CUX2: variants seen among roughly 807,000 people sequenced by gnomAD.
CUX2 encodes the protein cut like homeobox 2.
In CUX2, 40 loss-of-function variants were observed where a neutral mutation model predicts 144.8. The observed-to-expected ratio is 0.28, with a 90% CI of 0.21 to 0.36. The LOEUF is 0.36. Ranked by LOEUF, CUX2 falls within the 10% of genes least tolerant of loss-of-function variation. The pLI, the probability that CUX2 is intolerant of heterozygous loss-of-function variation, is 1.00. For synonymous variants in CUX2, 827 were observed against 875.6 expected, an observed-to-expected ratio of 0.94 and a Z score of 0.98; for missense variants, 1,615 against 1,994.0, an observed-to-expected ratio of 0.81 and a Z score of 3.62.
chr12:111,289,732 C>T lies in CUX2; in HGVS notation c.302-1686C>T, dbSNP rs965870387. On this transcript the variant is annotated intron_variant, in intron 4 of 21. Transcript: ENST00000261726. The surrounding 1 kb of genome is among the most constrained non-coding windows in gnomAD (Gnocchi z 4.1). ...CTTACATCTAGATGTGTGTTTTGCCCCCGAAAAAGTCCTTAACCAACAACG... is the reference window on the plus strand; with the variant it reads ...CTTACATCTAGATGTGTGTTTTGCCTCCGAAAAAGTCCTTAACCAACAACG... Among the ~76,000 whole-genome samples, 1 of 151,848 alleles carries T rather than the reference C, an allele frequency of 6.6e-6. No individual in the cohort carries two copies. Among genetic ancestry groups the T allele is most frequent in the Admixed American group, 6.6e-5 (1 of 15,244 alleles).
chr12:111,281,458 A>T (rs961001529), intron 4 of CUX2, among the ~76,000 whole-genome samples: 1 of 152,156 alleles, frequency 6.6e-6, no homozygotes, highest in African/African-American at 2.4e-5. Flanking sequence ...TGATGGAAAC[A>T]TTCTCTATGG....
intron 5 of CUX2, 26 bp downstream of exon 5, chr12:111,291,578 T>A: frequency 6.4e-7 from 1 of 1,556,662 alleles, no homozygotes. Context: ...TCTCGGAGCG[T>A]CTACAATAAA....
chr12:111,113,491 A>T (rs997988960), intron 1 of CUX2, among the ~76,000 whole-genome samples: 1 of 151,724 alleles, frequency 6.6e-6, no homozygotes, highest in Non-Finnish European at 1.5e-5. Flanking sequence ...CTTTTTCCAA[A>T]TGTCATGTAA....
At position 111,037,844 on chromosome 12, in the gene CUX2, G is replaced by C. The variant is rs548945481; in HGVS notation, c.63+3604G>C. On this transcript the variant is annotated intron_variant, in intron 1 of 21. Coordinates refer to ENST00000261726, the MANE Select transcript of CUX2 (RefSeq NM_015267.4). This position sits in a 1 kb window ranked among gnomAD's most constrained non-coding sequence, Gnocchi z 5.4. ...TGCTGTCTTCCCTGACTCCAAAGAGGGTTAATTGAGCTAACAATGAGCTGG... is the reference window on the plus strand; with the variant it reads ...TGCTGTCTTCCCTGACTCCAAAGAGCGTTAATTGAGCTAACAATGAGCTGG... 5.5e-4 allele frequency among the ~76,000 whole-genome samples: 83 copies of C among 152,136 alleles called. No homozygotes were observed. The highest frequency in any genetic ancestry group is 1.9e-3 in the African/African-American group (77 of 41,464).
intron 4 of CUX2, among the ~76,000 whole-genome samples, chr12:111,267,837 A>G (rs56786734): frequency 0.082 from 12,444 of 152,098 alleles, 1,284 homozygotes; most frequent in African/African-American, 0.23. Flanking sequence ...TTTAAAAAAT[A>G]TATATGAGGT....
chr12:111,274,294 G>C (rs1183404020), intron 4 of CUX2, among the ~76,000 whole-genome samples: 2 of 152,150 alleles, frequency 1.3e-5, no homozygotes, highest in Non-Finnish European at 2.9e-5. Context: ...CCCTGGCTGG[G>C]TGGCCTTGAG....
At chr12:111,090,004 C>T (rs1220714724) in intron 1 of CUX2, among the ~76,000 whole-genome samples, 1 of 152,114 alleles carries the variant, frequency 6.6e-6, no homozygotes, top group Non-Finnish European at 1.5e-5. Context: ...GAAGGTGCCT[C>T]TGGCCATCAT....
intron 3 of CUX2, among the ~76,000 whole-genome samples, chr12:111,237,298 T>A (rs1194637874): frequency 2.0e-5 from 3 of 152,238 alleles, no homozygotes; most frequent in Non-Finnish European, 4.4e-5. Flanking sequence ...TCTGAGCCTT[T>A]GTACATTCTG....
intron 4 of CUX2, among the ~76,000 whole-genome samples, chr12:111,278,573 T>C (rs1884984599): frequency 6.6e-6 from 1 of 152,126 alleles, no homozygotes; most frequent in Non-Finnish European, 1.5e-5. Context: ...ATTTCATCAC[T>C]TATCACACAT....
At chr12:111,337,567 T>G (rs1888404254) in intron 19 of CUX2, among the ~76,000 whole-genome samples, 1 of 152,182 alleles carries the variant, frequency 6.6e-6, no homozygotes, top group African/African-American at 2.4e-5. Flanking sequence ...CTGTGTGAAC[T>G]TGGGCAAGTG....
intron 4 of CUX2, among the ~76,000 whole-genome samples, chr12:111,284,351 G>A (rs1445222747): frequency 6.6e-6 from 1 of 152,136 alleles, no homozygotes; most frequent in Non-Finnish European, 1.5e-5. Flanking sequence ...TACGACTTGT[G>A]CTCCTGGTCT....
At chr12:111,338,557 C>A in intron 20 of CUX2, 83 bp downstream of exon 20, 2 of 1,335,376 alleles carry the variant, frequency 1.5e-6, no homozygotes, top group Non-Finnish European at 2.1e-6. Flanking sequence ...CCACATAAAC[C>A]CAGGGCTCCC....
chr12:111,233,064 T>C (rs1040566662), intron 3 of CUX2, among the ~76,000 whole-genome samples: 1 of 152,120 alleles, frequency 6.6e-6, no homozygotes, highest in African/African-American at 2.4e-5. Flanking sequence ...AGGGACATTC[T>C]AGTCACAGGA....
At chr12:111,194,667 C>G (rs776442520) in intron 1 of CUX2, among the ~76,000 whole-genome samples, 7 of 152,260 alleles carry the variant, frequency 4.6e-5, no homozygotes, top group Non-Finnish European at 7.3e-5. Context: ...TCGTGGGCCC[C>G]TGCCCTCACC....
In CUX2 at chr12:111,263,664, T is replaced by C; in HGVS notation, c.223-97T>C. ...ACAAAACAAAACAAAACAAAAAACC[T>C]GCAGATGTTTTCTTGTGGAAAAAAA... On this transcript the variant is annotated intron_variant, in intron 3 of 21. Coordinates refer to ENST00000261726, the MANE Select transcript of CUX2 (RefSeq NM_015267.4). The surrounding 1 kb of genome is among the most constrained non-coding windows in gnomAD (Gnocchi z 4.0). The C allele has an allele frequency of 1.1e-6, 1 of 945,786 alleles. No homozygotes were observed. Among genetic ancestry groups the C allele is most frequent in the Non-Finnish European group, 1.7e-6 (1 of 591,956 alleles). The allele number at this position is 945,786 out of a possible 1,614,324, so 58.6% of individuals were successfully genotyped here. A position where few individuals can be genotyped will look rare whatever the true frequency, so the allele number is the denominator to read the frequency against.
intron 4 of CUX2, among the ~76,000 whole-genome samples, chr12:111,278,607 G>A (rs1884986177): frequency 6.6e-6 from 1 of 152,168 alleles, no homozygotes; most frequent in South Asian, 2.1e-4. Flanking sequence ...CGTTAATTGA[G>A]CACCTACTAT....
Position 111,057,652 on chromosome 12 carries a change from G to T in CUX2, c.63+23412G>T, listed in dbSNP as rs944703385. On this transcript the variant is annotated intron_variant, in intron 1 of 21. Transcript: ENST00000261726. This position sits in a 1 kb window ranked among gnomAD's most constrained non-coding sequence, Gnocchi z 5.1. Reference sequence around the variant, plus strand: ...ACTTCTGCCAGCAGCCTCCCCTTCTGCCAGAAAGAGTGACTCCCACCTCAA... The same window carrying T: ...ACTTCTGCCAGCAGCCTCCCCTTCTTCCAGAAAGAGTGACTCCCACCTCAA... Among the ~76,000 whole-genome samples, 15 of 152,104 alleles carry T rather than the reference G, an allele frequency of 9.9e-5. No individual in the cohort carries two copies. Among genetic ancestry groups the T allele is most frequent in the African/African-American group, 3.6e-4 (15 of 41,410 alleles).
intron 18 of CUX2, among the ~76,000 whole-genome samples, chr12:111,328,967 CT>C (rs1887954066): frequency 9.4e-6 from 1 of 105,964 alleles, no homozygotes; most frequent in African/African-American, 5.5e-5. Context: ...CTCTCTCTCT[CT>C]CTCTCTCCCC....
intron 4 of CUX2, among the ~76,000 whole-genome samples, chr12:111,281,047 A>C (rs1885095578): frequency 1.3e-5 from 2 of 152,116 alleles, no homozygotes; most frequent in African/African-American, 4.8e-5. Flanking sequence ...CTCTTGCAGT[A>C]GCCGCCTATC....
Sources: gnomAD v4.1 joint callset for allele counts (sites outside exome capture counted in the v4.1 genomes callset) on GRCh38, gnomAD v4.1.1 for gene constraint, Gnocchi (gnomAD v3.1) non-coding constraint, MANE v1.5 for transcripts, NCBI Gene and HGNC (gene_info 2026-07-23, HGNC 2026-07-21) for gene names.